Variants in RNF150 observed in about 807,000 individuals in gnomAD.
RNF150 encodes the protein ring finger protein 150.
In RNF150, 24 loss-of-function variants were observed where a neutral mutation model predicts 39.3. That is an observed-to-expected ratio of 0.61 (90% CI 0.44 to 0.86). The LOEUF (loss-of-function observed/expected upper bound fraction) is 0.86, where lower values mean the gene tolerates loss of function less well. RNF150 is among the 40% of genes least tolerant of loss of function. RNF150 has a pLI of 0.00. For missense variants in RNF150, 502 were observed against 587.8 expected (o/e 0.85, Z 1.51); for synonymous variants, 255 against 227.3 (o/e 1.12, Z -1.10).
At chr4:141,200,897 T>C (rs555847623) in intron 1 of RNF150, among the ~76,000 whole-genome samples, 70 of 152,130 alleles carry the variant, frequency 4.6e-4, no homozygotes, top group Non-Finnish European at 9.3e-4. Flanking sequence ...AAAGTTCCAG[T>C]ACCATATGTA....
At chr4:141,076,575 C>A (rs1507174) in intron 1 of RNF150, among the ~76,000 whole-genome samples, 41,134 of 151,048 alleles carry the variant, frequency 0.27, 7,325 homozygotes, top group Non-Finnish European at 0.41. Flanking sequence ...ATTCCTCCTG[C>A]ACATACTTAC....
At chr4:141,103,266 C>A (rs1342888554) in intron 1 of RNF150, among the ~76,000 whole-genome samples, 7 of 152,148 alleles carry the variant, frequency 4.6e-5, no homozygotes, top group Admixed American at 2.6e-4. Flanking sequence ...TGTTATAGAT[C>A]CTCATGGATT....
chr4:141,173,348 C>G (rs1727761579), intron 1 of RNF150, among the ~76,000 whole-genome samples: 1 of 152,192 alleles, frequency 6.6e-6, no homozygotes. Context: ...TATACATACA[C>G]TGTATGTTTG....
At chr4:140,988,330 GCAAAGACATGGAAT>G (rs1406800118) in intron 1 of RNF150, among the ~76,000 whole-genome samples, 1 of 152,104 alleles carries the variant, frequency 6.6e-6, no homozygotes, top group Non-Finnish European at 1.5e-5. Context: ...GTTTACAACA[GCAAAGACATGGAAT>G]CAACCTAGGT....
At chr4:141,151,507 T>C (rs931775085) in intron 1 of RNF150, among the ~76,000 whole-genome samples, 6 of 151,170 alleles carry the variant, frequency 4.0e-5, no homozygotes, top group African/African-American at 1.5e-4. Flanking sequence ...TGTAGGAATG[T>C]TTTTCTTTAA....
intron 6 of RNF150, among the ~76,000 whole-genome samples, chr4:140,877,022 A>C (rs898186357): frequency 6.6e-6 from 1 of 152,250 alleles, no homozygotes; most frequent in Non-Finnish European, 1.5e-5. Context: ...TTGGTGAAGG[A>C]GAATTCCCTG....
intron 6 of RNF150, among the ~76,000 whole-genome samples, chr4:140,895,811 T>C (rs1729921188): frequency 1.3e-5 from 2 of 152,240 alleles, no homozygotes; most frequent in Non-Finnish European, 2.9e-5. Context: ...AACTTATCTT[T>C]TGATCTGCTC....
intron 1 of RNF150, among the ~76,000 whole-genome samples, chr4:140,971,465 C>G (rs1472758460): frequency 7.9e-5 from 12 of 152,152 alleles, no homozygotes. Flanking sequence ...TACTGTGACA[C>G]AGAGTGCCTC....
At position 140,890,592 on chromosome 4, in the gene RNF150, A is replaced by G. The variant is rs918941169; in HGVS notation, c.1198+20552T>C. Reference sequence around the variant, plus strand: ...TCTTATAAGAAAAAGACTGGAGTTCACTCTCTCATCTCACCACTGAGGACA... The same window carrying G: ...TCTTATAAGAAAAAGACTGGAGTTCGCTCTCTCATCTCACCACTGAGGACA... On this transcript the variant is annotated intron_variant, in intron 6 of 6. Coordinates refer to ENST00000515673, the MANE Select transcript of RNF150 (RefSeq NM_020724.2). Among the ~76,000 whole-genome samples the G allele has an allele frequency of 7.9e-5, 12 of 152,082 alleles. No homozygotes were observed. In the South Asian group the frequency reaches 8.3e-4, roughly 11 times the overall value.
intron 1 of RNF150, among the ~76,000 whole-genome samples, chr4:141,016,498 C>T (rs1735278789): frequency 1.3e-5 from 2 of 152,236 alleles, no homozygotes; most frequent in South Asian, 2.1e-4. Flanking sequence ...CAGCACACTG[C>T]CTATATGGAG....
At chr4:141,078,436 A>G (rs904881368) in intron 1 of RNF150, among the ~76,000 whole-genome samples, 3 of 152,072 alleles carry the variant, frequency 2.0e-5, no homozygotes, top group Non-Finnish European at 2.9e-5. Flanking sequence ...ATGTTAATCT[A>G]TTACCAGGCT....
chr4:140,986,293 C>T (rs1356748985), intron 1 of RNF150, among the ~76,000 whole-genome samples: 5 of 152,016 alleles, frequency 3.3e-5, no homozygotes, highest in African/African-American at 1.2e-4. Flanking sequence ...GGGGGTTACA[C>T]AATCTACTCT....
chr4:140,928,337 G>T (rs538480218), intron 4 of RNF150, among the ~76,000 whole-genome samples: 9 of 151,758 alleles, frequency 5.9e-5, no homozygotes, highest in African/African-American at 2.2e-4. Context: ...TGACGAAGCT[G>T]AAACCTAAGG....
chr4:140,863,423 C>T lies in RNF150; in HGVS notation c.*4838G>A, dbSNP rs964203689. On this transcript the variant is annotated 3_prime_UTR_variant, in exon 7 of 7. Coordinates refer to ENST00000515673, the MANE Select transcript of RNF150 (RefSeq NM_020724.2). ...AGGGAGGACATTGGTTTATAGTAAA[C>T]AGGTTTGCCTCATCAGAAGTGAATA... 6.6e-6 allele frequency: 1 copy of T among 152,114 alleles called. No homozygotes were observed. The highest frequency in any genetic ancestry group is 6.5e-5 in the Admixed American group (1 of 15,280). The allele number at this position is 152,114 out of a possible 1,614,324, so 9.4% of individuals were successfully genotyped here. A position where few individuals can be genotyped will look rare whatever the true frequency, so the allele number is the denominator to read the frequency against.
At chr4:141,204,695 T>G (rs1431641506) in intron 1 of RNF150, among the ~76,000 whole-genome samples, 1 of 152,188 alleles carries the variant, frequency 6.6e-6, no homozygotes, top group Non-Finnish European at 1.5e-5. Context: ...CCAAATAAGA[T>G]AGCTAAGATA....
intron 1 of RNF150, among the ~76,000 whole-genome samples, chr4:141,060,686 C>T (rs1312516965): frequency 6.6e-6 from 1 of 152,104 alleles, no homozygotes; most frequent in Non-Finnish European, 1.5e-5. Flanking sequence ...AAGACACATG[C>T]CCATGCATGT....
At chr4:141,003,490 G>A (rs893962534) in intron 1 of RNF150, among the ~76,000 whole-genome samples, 7 of 151,294 alleles carry the variant, frequency 4.6e-5, no homozygotes, top group Admixed American at 1.3e-4. Context: ...GCTCTCTTAC[G>A]TTTCCCACTG....
intron 1 of RNF150, among the ~76,000 whole-genome samples, chr4:141,122,308 G>A (rs916556946): frequency 4.6e-5 from 7 of 152,148 alleles, no homozygotes; most frequent in African/African-American, 1.2e-4. Flanking sequence ...CTCCTGATTC[G>A]CCACCTTCGG....
chr4:140,977,971 C>T (rs1391547423), intron 1 of RNF150, among the ~76,000 whole-genome samples: 1 of 152,096 alleles, frequency 6.6e-6, no homozygotes, highest in Non-Finnish European at 1.5e-5. Context: ...ATGGTATTAC[C>T]ATACTTGTTG....
Sources: allele counts gnomAD v4.1 joint callset (sites outside exome capture counted in the v4.1 genomes callset), GRCh38; gene constraint gnomAD v4.1.1; transcripts MANE v1.5; gene names NCBI Gene and HGNC (gene_info 2026-07-23, HGNC 2026-07-21).